The following C1QTNF1 variants were observed in gnomAD, a reference collection of about 807,000 sequenced individuals.
C1QTNF1 encodes the protein complement C1q tumor necrosis factor-related protein 1.
A neutral mutation model predicts 27.8 loss-of-function variants in C1QTNF1; 22 were observed. That is an observed-to-expected ratio of 0.79 (90% CI 0.56 to 1.13). The LOEUF is 1.13. Ranked by LOEUF, C1QTNF1 falls within the 50% of genes most tolerant of loss-of-function variation. C1QTNF1 has a pLI of 0.00. For missense variants in C1QTNF1, 373 were observed against 380.2 expected, an observed-to-expected ratio of 0.98 and a Z score of 0.16; for synonymous variants, 166 against 154.3, an observed-to-expected ratio of 1.08 and a Z score of -0.56.
At chr17:79,030,485 T>TCTTTC (rs1555670012) in intron 1 of C1QTNF1, among the ~76,000 whole-genome samples, 1 of 121,804 alleles carries the variant, frequency 8.2e-6, no homozygotes, top group African/African-American at 3.7e-5. Context: ...CTTTCTTTCT[T>TCTTTC]TTTCTTTCTT....
In C1QTNF1 at chr17:79,044,112, C is replaced by T. The variant is rs201505657; in HGVS notation, c.144C>T (p.Asp48=). ...CTGAGGAGCTGCCGTCGCCTCCGGACCATGCCGAGAGGTGAGGGGCCACGA... is the reference window on the plus strand; with the variant it reads ...CTGAGGAGCTGCCGTCGCCTCCGGATCATGCCGAGAGGTGAGGGGCCACGA... The part of the protein sequence containing the change: ...EGTEELPSPP[D]HAERAEEQHE... Residue 48 remains aspartate (D), a synonymous_variant, in exon 2 of 4, where the codon GAC becomes GAT. Transcript: ENST00000579760. The T allele has an allele frequency of 4.8e-5, 77 of 1,609,646 alleles. No individual in the cohort carries two copies. In the African/African-American group the frequency reaches 5.9e-4, roughly 12 times the overall value.
At chr17:79,040,616 C>T (rs541180434) in intron 1 of C1QTNF1, among the ~76,000 whole-genome samples, 7 of 150,138 alleles carry the variant, frequency 4.7e-5, no homozygotes, top group East Asian at 4.0e-4. Flanking sequence ...AGTCTTGGCC[C>T]GGCGTGGAGG....
At chr17:79,047,497 G>T (rs1425710675) in intron 3 of C1QTNF1, 41 bp from the exon 4 acceptor site, 2 of 1,509,292 alleles carry the variant, frequency 1.3e-6, no homozygotes, top group African/African-American at 2.8e-5. Flanking sequence ...GACACTACCG[G>T]ATTGCTCCAT....
intron 1 of C1QTNF1, chr17:79,043,228 G>A (rs2072465995): frequency 6.7e-6 from 3 of 448,240 alleles, no homozygotes; most frequent in Non-Finnish European, 8.8e-6. Flanking sequence ...GTGTGAATCT[G>A]TGTGCATGTG....
rs761985796 is a variant in C1QTNF1 at position 79,047,744 on chromosome 17, G to C, written c.502G>C (p.Asp168His). ...CCACTACTACCAGACGGTGATCTTC[G>C]ACACGGAGTTCGTGAACCTCTACGA... ...SNHYYQTVIFDTEFVNLYDHF... is the reference protein window; with the variant it reads ...SNHYYQTVIFHTEFVNLYDHF... Residue 168 changes from aspartate to histidine, a missense_variant, in exon 4 of 4, where the codon GAC (aspartate) becomes CAC (histidine). Transcript: ENST00000579760. The C allele has an allele frequency of 6.2e-7, 1 of 1,614,118 alleles. No homozygotes were observed. The highest frequency in any genetic ancestry group is 1.1e-5 in the South Asian group (1 of 91,074).
intron 1 of C1QTNF1, chr17:79,043,517 TG>T: frequency 2.3e-6 from 1 of 444,266 alleles, no homozygotes; most frequent in Non-Finnish European, 4.5e-6. Context: ...TGTGGGTATA[TG>T]TATGCATGTG....
At chr17:79,025,080 G>GGTGTTGCT (rs1174681625) in intron 1 of C1QTNF1, 1 of 152,298 alleles carries the variant, frequency 6.6e-6, no homozygotes, top group African/African-American at 2.4e-5. Flanking sequence ...AGGAAAAAAC[G>GGTGTTGCT]GTGTTGCTTC....
At chr17:79,039,882 A>G (rs1335098591) in intron 1 of C1QTNF1, among the ~76,000 whole-genome samples, 1 of 152,030 alleles carries the variant, frequency 6.6e-6, no homozygotes, top group African/African-American at 2.4e-5. Flanking sequence ...GATTCAGGAA[A>G]AAAATATTTA....
At chr17:79,045,503 G>A (rs756433357) in intron 2 of C1QTNF1, among the ~76,000 whole-genome samples, 17 of 152,200 alleles carry the variant, frequency 1.1e-4, no homozygotes, top group Non-Finnish European at 2.2e-4. Context: ...GAGTCGAAAT[G>A]GCAGGGGTGC....
chr17:79,027,586 A>T (rs2072004741), intron 1 of C1QTNF1: 1 of 152,158 alleles, frequency 6.6e-6, no homozygotes, highest in East Asian at 1.9e-4. Flanking sequence ...GGACATGCTC[A>T]CTCCTTTCCT....
At position 79,047,605 on chromosome 17, in the gene C1QTNF1, C is replaced by G. The variant is rs754163039; in HGVS notation, c.363C>G (p.Ala121=). ...GKYGKTGSAG[A]RGHTGPKGQK... is the part of the protein sequence containing the mutation. ...ATGGCAAAACAGGCTCAGCAGGGGC[C>G]AGGGGCCACACTGGACCCAAAGGGC... The change falls in exon 4 of 4, where the codon GCC becomes GCG. Residue 121 remains alanine (A), a synonymous_variant. Transcript: ENST00000579760. 2 of 1,567,046 alleles carry G rather than the reference C, an allele frequency of 1.3e-6. No homozygotes were observed. The highest frequency in any genetic ancestry group is 3.8e-5 in the Admixed American group (2 of 52,882).
At chr17:79,045,975 G>C (rs866073498) in intron 2 of C1QTNF1, among the ~76,000 whole-genome samples, 1 of 152,116 alleles carries the variant, frequency 6.6e-6, no homozygotes, top group Admixed American at 6.5e-5. Context: ...GTGGGTCTGC[G>C]CAGCTCTACA....
chr17:79,030,958 C>T (rs190841177), intron 1 of C1QTNF1, among the ~76,000 whole-genome samples: 1 of 151,436 alleles, frequency 6.6e-6, no homozygotes, highest in African/African-American at 2.4e-5. Context: ...CTAACTGGTG[C>T]TGCTGGCTGA....
chr17:79,042,262 C>T (rs1057048201), intron 1 of C1QTNF1, among the ~76,000 whole-genome samples: 2 of 152,270 alleles, frequency 1.3e-5, no homozygotes, highest in Non-Finnish European at 2.9e-5. Flanking sequence ...ATGCCAGATT[C>T]CTGGGCGAGG....
chr17:79,041,069 C>G (rs2072394470), intron 1 of C1QTNF1, among the ~76,000 whole-genome samples: 1 of 152,190 alleles, frequency 6.6e-6, no homozygotes, highest in Admixed American at 6.5e-5. Context: ...AGACGGATAG[C>G]TGGAGAGAGA....
At chr17:79,025,730 C>G in intron 1 of C1QTNF1, 1 of 209,706 alleles carries the variant, frequency 4.8e-6, no homozygotes, top group South Asian at 7.0e-5. Flanking sequence ...GGAGGCCTCT[C>G]CAGCACCTGC....
chr17:79,028,768 T>C (rs2072044050), intron 1 of C1QTNF1, among the ~76,000 whole-genome samples: 1 of 152,128 alleles, frequency 6.6e-6, no homozygotes, highest in African/African-American at 2.4e-5. Flanking sequence ...CACATGGGTC[T>C]TTTCCTCCCT....
chr17:79,031,196 G>A (rs1450306337), intron 1 of C1QTNF1, among the ~76,000 whole-genome samples: 1 of 150,666 alleles, frequency 6.6e-6, no homozygotes, highest in African/African-American at 2.4e-5. Flanking sequence ...TAGTAGAGAC[G>A]GGGTTTCACC....
At chr17:79,042,481 C>T (rs2072440213) in intron 1 of C1QTNF1, among the ~76,000 whole-genome samples, 1 of 152,208 alleles carries the variant, frequency 6.6e-6, no homozygotes, top group Admixed American at 6.5e-5. Flanking sequence ...AGGATGACTG[C>T]TCTGTGGGGC....
Sources: allele counts gnomAD v4.1 joint callset (sites outside exome capture counted in the v4.1 genomes callset), GRCh38; gene constraint gnomAD v4.1.1; transcripts MANE v1.5; gene names NCBI Gene and HGNC (gene_info 2026-07-23, HGNC 2026-07-21).